RABGAP1L: variants seen among roughly 807,000 people sequenced by gnomAD.
RABGAP1L encodes rab GTPase-activating protein 1-like.
Under a neutral mutation model 137.7 loss-of-function variants are expected in RABGAP1L, and 63 were observed. The ratio of observed to expected loss-of-function variants is 0.46; its 90% CI spans 0.37 to 0.56. The LOEUF (loss-of-function observed/expected upper bound fraction) is 0.56, where lower values mean the gene tolerates loss of function less well. Among genes scored for constraint, RABGAP1L ranks in the 20% least tolerant of loss-of-function variants. RABGAP1L has a pLI of 0.00. For missense variants in RABGAP1L, 1,095 were observed against 1,244.0 expected, an observed-to-expected ratio of 0.88 and a Z score of 1.80; for synonymous variants, 431 against 433.7, an observed-to-expected ratio of 0.99 and a Z score of 0.08.
intron 19 of RABGAP1L, among the ~76,000 whole-genome samples, chr1:174,838,880 T>TGCACTCCA (rs1302035923): frequency 9.7e-5 from 11 of 113,148 alleles, no homozygotes; most frequent in Non-Finnish European, 1.8e-4. Flanking sequence ...ATCGCACCAC[T>TGCACTCCA]GCACTCCAGC....
intron 13 of RABGAP1L, among the ~76,000 whole-genome samples, chr1:174,557,846 A>G (rs1376349182): frequency 2.0e-5 from 3 of 152,224 alleles, no homozygotes; most frequent in Admixed American, 6.5e-5. Flanking sequence ...TTTTTGATTG[A>G]GAAAGATGAT....
intron 11 of RABGAP1L, among the ~76,000 whole-genome samples, chr1:174,318,195 A>G (rs923745822): frequency 6.6e-6 from 1 of 152,074 alleles, no homozygotes; most frequent in African/African-American, 2.4e-5. Context: ...ACAGGGGACA[A>G]TTGGTGAAGC....
chr1:174,623,742 G>A (rs1466642280), intron 13 of RABGAP1L, among the ~76,000 whole-genome samples: 3 of 152,124 alleles, frequency 2.0e-5, no homozygotes, highest in African/African-American at 7.2e-5. Context: ...GGTAAAACTT[G>A]TATGGCATGG....
At position 174,637,382 on chromosome 1, in the gene RABGAP1L, C is replaced by T. The variant is rs1572633794; in HGVS notation, c.1718C>T (p.Ala573Val). The stretch of plus-strand genomic sequence containing the variant: ...ATTTTCTTTCTTTTTTAGGACTCAG[C>T]CCAGGAGAGTGTTATTACTCGAGAT... Reference protein sequence around the residue: ...RYRILITKDSAQESVITRDIH... With the variant: ...RYRILITKDSVQESVITRDIH... The change falls in exon 14 of 26, where the codon GCC (alanine) becomes GTC (valine). Residue 573 changes from alanine to valine, a missense_variant. This residue lies in a region of RABGAP1L where 315 missense variants were observed against 324.8 expected (regional missense o/e 0.97). Transcript: ENST00000681986. 2 of 1,607,550 alleles carry T rather than the reference C, an allele frequency of 1.2e-6. No homozygotes were observed. Among genetic ancestry groups the T allele is most frequent in the South Asian group, 1.1e-5 (1 of 90,934 alleles).
At chr1:174,434,151 A>ACACACACACACACACACCCC (rs1361968902) in intron 13 of RABGAP1L, among the ~76,000 whole-genome samples, 1 of 147,518 alleles carries the variant, frequency 6.8e-6, no homozygotes, top group Non-Finnish European at 1.5e-5. Context: ...ACACACACAC[A>ACACACACACACACACACCCC]CCCTGCCTGG....
At chr1:174,658,223 T>C (rs1193453324) in intron 14 of RABGAP1L, among the ~76,000 whole-genome samples, 3 of 152,202 alleles carry the variant, frequency 2.0e-5, no homozygotes, top group Non-Finnish European at 2.9e-5. Flanking sequence ...TCTAGAGTTC[T>C]GAAAAAGTTG....
chr1:174,841,409 A>C (rs541952985), intron 19 of RABGAP1L, among the ~76,000 whole-genome samples: 6 of 152,128 alleles, frequency 3.9e-5, no homozygotes, highest in Non-Finnish European at 8.8e-5. Context: ...ATCTAAAACA[A>C]AAGCATAATG....
At chr1:174,457,402 G>A (rs1000897035) in intron 13 of RABGAP1L, among the ~76,000 whole-genome samples, 1 of 151,522 alleles carries the variant, frequency 6.6e-6, no homozygotes, top group Non-Finnish European at 1.5e-5. Context: ...TTGAGATTAG[G>A]ACAATAATAT....
intron 17 of RABGAP1L, among the ~76,000 whole-genome samples, chr1:174,733,610 A>G (rs368550468): frequency 2.0e-5 from 3 of 152,110 alleles, no homozygotes; most frequent in Non-Finnish European, 4.4e-5. Context: ...TTGTACTTTC[A>G]TCACTCATTT....
intron 17 of RABGAP1L, among the ~76,000 whole-genome samples, chr1:174,732,713 C>T (rs1682590072): frequency 6.6e-6 from 1 of 152,122 alleles, no homozygotes; most frequent in African/African-American, 2.4e-5. Context: ...CAAATCCACA[C>T]AATGAAGCTG....
intron 18 of RABGAP1L, among the ~76,000 whole-genome samples, chr1:174,774,602 A>G (rs1034109124): frequency 6.6e-6 from 1 of 151,954 alleles, no homozygotes; most frequent in African/African-American, 2.4e-5. Context: ...AACCATAGGC[A>G]GGGACAGTAC....
chr1:174,648,646 C>A (rs965979541), intron 14 of RABGAP1L, among the ~76,000 whole-genome samples: 1 of 151,910 alleles, frequency 6.6e-6, no homozygotes, highest in Non-Finnish European at 1.5e-5. Flanking sequence ...AGAATAAGTG[C>A]GATGTGGTGC....
rs1669144505 is a variant in RABGAP1L, at chr1:174,586,702, A to G, written c.1711-50673A>G. On this transcript the variant is annotated intron_variant, in intron 13 of 25. Transcript: ENST00000681986. ...AACCTCCACCTCCCGAGTTCAAGCA[A>G]TTCTCCTGCCTCAGCCTCCCAAGTA... Among the ~76,000 whole-genome samples the G allele has an allele frequency of 2.0e-5, 3 of 152,064 alleles. No homozygotes were observed. The South Asian group carries it at 6.2e-4, about 32-fold the overall frequency.
At chr1:174,379,040 G>C (rs1388357761) in intron 12 of RABGAP1L, among the ~76,000 whole-genome samples, 2 of 139,514 alleles carry the variant, frequency 1.4e-5, no homozygotes, top group Non-Finnish European at 1.5e-5. Flanking sequence ...TTATTAAATA[G>C]GGAACCCTTT....
At chr1:174,257,463 G>T (rs1020503123) in intron 7 of RABGAP1L, among the ~76,000 whole-genome samples, 5 of 152,080 alleles carry the variant, frequency 3.3e-5, no homozygotes, top group Non-Finnish European at 5.9e-5. Flanking sequence ...TGCTAACTGG[G>T]TAGAACATTT....
intron 11 of RABGAP1L, among the ~76,000 whole-genome samples, chr1:174,325,415 A>G (rs1680351323): frequency 6.6e-6 from 1 of 152,224 alleles, no homozygotes; most frequent in Admixed American, 6.5e-5. Context: ...CATTTTGCAC[A>G]ACTATCCACA....
At chr1:174,928,996 C>T (rs1239994648) in intron 19 of RABGAP1L, among the ~76,000 whole-genome samples, 1 of 151,232 alleles carries the variant, frequency 6.6e-6, no homozygotes, top group Admixed American at 6.6e-5. Context: ...TGTTCTCACT[C>T]ATAGGTGGGA....
At chr1:174,829,969 A>G (rs917508724) in intron 19 of RABGAP1L, among the ~76,000 whole-genome samples, 1 of 148,218 alleles carries the variant, frequency 6.7e-6, no homozygotes, top group South Asian at 2.2e-4. Flanking sequence ...TAAAACAACA[A>G]TATTTTTCGT....
chr1:174,379,486 T>C, intron 12 of RABGAP1L, among the ~76,000 whole-genome samples: 4 of 136,192 alleles, frequency 2.9e-5, no homozygotes, highest in Non-Finnish European at 6.2e-5. Context: ...GTAGTTCTCC[T>C]TGAAGAGGTC....
Sources: gnomAD v4.1 joint callset for allele counts (sites outside exome capture counted in the v4.1 genomes callset) on GRCh38, gnomAD v4.1.1 for gene constraint, gnomAD v4.1.1 regional missense constraint, MANE v1.5 for transcripts, NCBI Gene and HGNC (gene_info 2026-07-23, HGNC 2026-07-21) for gene names.